Variants in RNLS observed in about 807,000 individuals in gnomAD.
RNLS encodes renalase, FAD dependent amine oxidase.
A neutral mutation model predicts 39.8 loss-of-function variants in RNLS; 39 were observed. The observed-to-expected ratio is 0.98, with a 90% CI of 0.76 to 1.28. The LOEUF (loss-of-function observed/expected upper bound fraction) is 1.28, where lower values mean the gene tolerates loss of function less well. Ranked by LOEUF, RNLS falls within the 50% of genes most tolerant of loss-of-function variation. The pLI, the probability that RNLS is intolerant of heterozygous loss-of-function variation, is 0.00. For synonymous variants in RNLS, 147 were observed against 150.7 expected, an observed-to-expected ratio of 0.98 and a Z score of 0.18; for missense variants, 410 against 413.3, an observed-to-expected ratio of 0.99 and a Z score of 0.07.
chr10:88,391,888 C>T (rs1195251998), intron 4 of RNLS, among the ~76,000 whole-genome samples: 1 of 152,240 alleles, frequency 6.6e-6, no homozygotes, highest in Non-Finnish European at 1.5e-5. Context: ...CCCCTGCCCC[C>T]AGCTCTGCAA....
At chr10:88,410,140 A>G (rs1485652206) in intron 4 of RNLS, among the ~76,000 whole-genome samples, 2 of 152,142 alleles carry the variant, frequency 1.3e-5, no homozygotes, top group African/African-American at 4.8e-5. Flanking sequence ...AATAGTCACA[A>G]AACAGTAGAG....
chr10:88,320,216 C>T (rs184387650), intron 5 of RNLS, among the ~76,000 whole-genome samples: 99 of 148,978 alleles, frequency 6.6e-4, no homozygotes, highest in Non-Finnish European at 1.2e-3. Context: ...AAATGAAGGA[C>T]AAATAAAGTT....
At chr10:88,541,067 A>G (rs1388545916) in intron 4 of RNLS, among the ~76,000 whole-genome samples, 4 of 152,092 alleles carry the variant, frequency 2.6e-5, no homozygotes, top group African/African-American at 9.7e-5. Context: ...AAAAATGTCA[A>G]CTTCTACCAG....
At chr10:88,537,948 T>C (rs554546761) in intron 4 of RNLS, among the ~76,000 whole-genome samples, 4 of 152,158 alleles carry the variant, frequency 2.6e-5, no homozygotes, top group Non-Finnish European at 5.9e-5. Flanking sequence ...TCTCTCCAAA[T>C]CAGGGTTCCC....
At chr10:88,397,597 A>G (rs1852637308) in intron 4 of RNLS, among the ~76,000 whole-genome samples, 2 of 151,922 alleles carry the variant, frequency 1.3e-5, no homozygotes, top group Admixed American at 6.6e-5. Flanking sequence ...CAAAGAAAGC[A>G]GAAGAAAAAA....
chr10:88,501,218 GAT>G (rs1417411369), intron 4 of RNLS, among the ~76,000 whole-genome samples: 1 of 151,880 alleles, frequency 6.6e-6, no homozygotes, highest in Admixed American at 6.6e-5. Context: ...ATCACCTGGG[GAT>G]ATATACATGA....
chr10:88,444,486 G>T (rs1042125575), intron 4 of RNLS, among the ~76,000 whole-genome samples: 13 of 152,214 alleles, frequency 8.5e-5, no homozygotes, highest in African/African-American at 2.4e-4. Flanking sequence ...ACTTTGACGA[G>T]TTGAGAGAAG....
chr10:88,473,296 A>G (rs1843648268), intron 4 of RNLS, among the ~76,000 whole-genome samples: 1 of 152,212 alleles, frequency 6.6e-6, no homozygotes, highest in Admixed American at 6.5e-5. Context: ...AAGAAGAAAA[A>G]TGGCATAAAG....
At chr10:88,554,326 A>T (rs1326818546) in intron 4 of RNLS, among the ~76,000 whole-genome samples, 1 of 152,172 alleles carries the variant, frequency 6.6e-6, no homozygotes, top group African/African-American at 2.4e-5. Flanking sequence ...AGCATTAACT[A>T]ACTTTTTGAT....
intron 5 of RNLS, among the ~76,000 whole-genome samples, chr10:88,333,579 T>C (rs1036515306): frequency 3.9e-5 from 6 of 152,222 alleles, no homozygotes; most frequent in Non-Finnish European, 5.9e-5. Flanking sequence ...CCTAATTTAA[T>C]AACATGAATT....
At chr10:88,426,658 C>T (rs1387923206) in intron 4 of RNLS, among the ~76,000 whole-genome samples, 1 of 152,082 alleles carries the variant, frequency 6.6e-6, no homozygotes, top group African/African-American at 2.4e-5. Flanking sequence ...TGTATTAACT[C>T]AGTTACCACA....
At chr10:88,380,286 G>C (rs1473330067) in intron 4 of RNLS, among the ~76,000 whole-genome samples, 1 of 150,240 alleles carries the variant, frequency 6.7e-6, no homozygotes, top group Non-Finnish European at 1.5e-5. Context: ...TCAACCAGTT[G>C]CTTGCTAGGT....
At chr10:88,446,981 C>T (rs531810800) in intron 4 of RNLS, among the ~76,000 whole-genome samples, 10 of 152,206 alleles carry the variant, frequency 6.6e-5, no homozygotes, top group Non-Finnish European at 1.5e-4. Flanking sequence ...GCTAAAAACT[C>T]TCAATAAATT....
intron 4 of RNLS, among the ~76,000 whole-genome samples, chr10:88,500,454 C>T (rs1845411006): frequency 6.6e-6 from 1 of 152,122 alleles, no homozygotes; most frequent in Non-Finnish European, 1.5e-5. Flanking sequence ...GTTCTGGACT[C>T]TTGTTTAGGA....
downstream of RNLS, among the ~76,000 whole-genome samples, chr10:88,270,928 A>G (rs1842632300): frequency 6.6e-6 from 1 of 152,204 alleles, no homozygotes; most frequent in Admixed American, 6.5e-5. Flanking sequence ...TCAAGTTTCT[A>G]GAGAGCCAGG....
chr10:88,312,946 T>A (rs1722760747), intron 6 of RNLS, among the ~76,000 whole-genome samples: 1 of 152,188 alleles, frequency 6.6e-6, no homozygotes, highest in African/African-American at 2.4e-5. Context: ...ATATGCAAAC[T>A]TCTAAGTCTG....
At chr10:88,226,047 G>A in the RNLS span, among the ~76,000 whole-genome samples, 2 of 152,060 alleles carry the variant, frequency 1.3e-5, no homozygotes, top group Non-Finnish European at 2.9e-5. Flanking sequence ...TTTTAAAAAT[G>A]TTATTGTGTT....
intron 6 of RNLS, among the ~76,000 whole-genome samples, chr10:88,296,605 A>C (rs547444074): frequency 5.3e-5 from 8 of 152,342 alleles, no homozygotes; most frequent in African/African-American, 1.4e-4. Context: ...AAAGTATTAA[A>C]AAATTTAATG....
the RNLS span, among the ~76,000 whole-genome samples, chr10:88,216,358 C>T: frequency 2.4e-4 from 36 of 152,244 alleles, no homozygotes; most frequent in African/African-American, 7.9e-4. Flanking sequence ...GATCTAGGGG[C>T]TCAAATAATG....
Sources: gnomAD v4.1 joint callset for allele counts (sites outside exome capture counted in the v4.1 genomes callset) on GRCh38, gnomAD v4.1.1 for gene constraint, MANE v1.5 for transcripts, NCBI Gene and HGNC (gene_info 2026-07-23, HGNC 2026-07-21) for gene names.